CRADD: variants seen among roughly 807,000 people sequenced by gnomAD.
CRADD encodes death domain-containing protein CRADD.
In CRADD, 9 loss-of-function variants were observed where a neutral mutation model predicts 15.5. The observed-to-expected ratio is 0.58, with a 90% CI of 0.35 to 1.01. The LOEUF (loss-of-function observed/expected upper bound fraction) is 1.01, where lower values mean the gene tolerates loss of function less well. CRADD is among the 50% of genes least tolerant of loss of function. CRADD has a pLI of 0.02. For synonymous variants in CRADD, 118 were observed against 107.6 expected, an observed-to-expected ratio of 1.10 and a Z score of -0.60; for missense variants, 227 against 250.3, an observed-to-expected ratio of 0.91 and a Z score of 0.63.
chr12:93,812,804 T>A (rs12299049), intron 2 of CRADD, among the ~76,000 whole-genome samples: 1,637 of 152,370 alleles, frequency 0.011, 22 homozygotes, highest in African/African-American at 0.035. Flanking sequence ...TTTCTCACCA[T>A]GATTTACAAC....
rs570317698 is a variant in CRADD, at chr12:93,884,494, C to G, written c.299-9556C>G. Reference sequence around the variant, plus strand: ...CCTACTATTTCCCGACTGATTCTTTCTGAATAACGCCCACCTGCACACAGG... The same window carrying G: ...CCTACTATTTCCCGACTGATTCTTTGTGAATAACGCCCACCTGCACACAGG... On this transcript the variant is annotated intron_variant, in intron 2 of 2. Coordinates refer to the CRADD transcript ENST00000548483. Among the ~76,000 whole-genome samples the G allele has an allele frequency of 4.6e-5, 7 of 152,272 alleles. No individual in the cohort carries two copies. The South Asian group carries it at 1.5e-3, about 32-fold the overall frequency.
chr12:93,837,674 A>G (rs1957990173), intron 2 of CRADD: 1 of 152,246 alleles, frequency 6.6e-6, no homozygotes. Flanking sequence ...TGATACAACA[A>G]TAAATGGTTT....
chr12:93,890,043 T>G (rs1463215656), intron 2 of CRADD, among the ~76,000 whole-genome samples: 1 of 152,230 alleles, frequency 6.6e-6, no homozygotes, highest in African/African-American at 2.4e-5. Context: ...CGAGCCTTCT[T>G]GCAACACTTT....
Position 93,850,068 on chromosome 12 carries a change from C to T in CRADD, c.397C>T (p.Pro133Ser). 6.2e-7 allele frequency: 1 copy of T among 1,612,228 alleles called. No homozygotes were observed. Among genetic ancestry groups the T allele is most frequent in the Non-Finnish European group, 8.5e-7 (1 of 1,178,258 alleles). ...LAQRLGPEWE[P>S]MVLSLGLSQT... The stretch of plus-strand genomic sequence containing the variant: ...CCAGAGGCTGGGCCCTGAGTGGGAG[C>T]CCATGGTGCTGTCTCTGGGACTGTC... Residue 133 changes from proline to serine, a missense_variant, in exon 3 of 3, where the codon CCC becomes TCC. Transcript: ENST00000332896. This position sits in a 1 kb window ranked among gnomAD's most constrained non-coding sequence, Gnocchi z 4.0.
At chr12:93,723,410 C>T (rs1455910674) in intron 2 of CRADD, among the ~76,000 whole-genome samples, 1 of 152,182 alleles carries the variant, frequency 6.6e-6, no homozygotes, top group Non-Finnish European at 1.5e-5. Context: ...GCCACCCAGA[C>T]TGGTAAACTG....
chr12:93,693,350 TCACTTCCTTTTTAAGAA>T (rs754189224), intron 2 of CRADD, among the ~76,000 whole-genome samples: 13 of 152,232 alleles, frequency 8.5e-5, no homozygotes, highest in Non-Finnish European at 1.6e-4. Flanking sequence ...CACAAAAGAT[TCACTTCCTTTTTAAGAA>T]CACATATAGA....
chr12:93,826,192 A>C (rs1365267752), intron 2 of CRADD, among the ~76,000 whole-genome samples: 1 of 152,260 alleles, frequency 6.6e-6, no homozygotes, highest in African/African-American at 2.4e-5. Flanking sequence ...CTGAGAGAGC[A>C]GCCAATTTTG....
chr12:93,887,484 T>C (rs1958546282), intron 2 of CRADD, among the ~76,000 whole-genome samples: 1 of 152,218 alleles, frequency 6.6e-6, no homozygotes, highest in Non-Finnish European at 1.5e-5. Context: ...TTCTTAAATA[T>C]GTCGAAGGAG....
At chr12:93,886,430 G>A (rs889077556) in intron 2 of CRADD, among the ~76,000 whole-genome samples, 2 of 152,064 alleles carry the variant, frequency 1.3e-5, no homozygotes, top group Non-Finnish European at 2.9e-5. Flanking sequence ...TAAAGTGCTG[G>A]GATTACGGGT....
chr12:93,724,097 C>T (rs892752171), intron 2 of CRADD, among the ~76,000 whole-genome samples: 18 of 152,010 alleles, frequency 1.2e-4, no homozygotes, highest in African/African-American at 3.1e-4. Context: ...TGCTCCAGGC[C>T]GGGTGCAGTG....
rs1958564816 is a variant in CRADD, at chr12:93,889,905, GACA to G, written c.299-4142_299-4140del. Among the ~76,000 whole-genome samples, 3 of 152,184 alleles carry G rather than the reference GACA, an allele frequency of 2.0e-5. No individual in the cohort carries two copies. In the South Asian group the frequency reaches 6.2e-4, roughly 32 times the overall value. ...GAGCAGTGAGATTATTTTTCTAAAAGACAACTTGAAGGGAACTCCAGTATGTAA... is the reference window on the plus strand; with the variant it reads ...GAGCAGTGAGATTATTTTTCTAAAAGACTTGAAGGGAACTCCAGTATGTAA... On this transcript the variant is annotated intron_variant, in intron 2 of 2. Coordinates refer to the CRADD transcript ENST00000548483.
chr12:93,757,678 A>G (rs921210565), intron 2 of CRADD, among the ~76,000 whole-genome samples: 1 of 152,226 alleles, frequency 6.6e-6, no homozygotes, highest in Non-Finnish European at 1.5e-5. Flanking sequence ...CCTGGTTCTC[A>G]TTAGAGCTTA....
chr12:93,743,957 G>T (rs1229374622), intron 2 of CRADD, among the ~76,000 whole-genome samples: 4 of 151,824 alleles, frequency 2.6e-5, no homozygotes, highest in African/African-American at 9.7e-5. Context: ...TTGTGCTTTA[G>T]CTGAAATCAC....
intron 2 of CRADD, among the ~76,000 whole-genome samples, chr12:93,689,104 G>GT (rs1955505567): frequency 1.3e-5 from 2 of 152,112 alleles, no homozygotes; most frequent in South Asian, 2.1e-4. Flanking sequence ...TACTTTGAGA[G>GT]TAAAAAAAAG....
chr12:93,873,401 C>A lies in CRADD; in HGVS notation c.299-20649C>A, dbSNP rs150329574. On this transcript the variant is annotated intron_variant, in intron 2 of 2. Coordinates refer to the CRADD transcript ENST00000548483. ...TTTCCAGTTTGGATGACCTTTATAT[C>A]TTCCTCTTGTCTTATTGCTGTAGCT... Among the ~76,000 whole-genome samples, 479 of 152,180 alleles carry A rather than the reference C, an allele frequency of 3.1e-3. 1 individual carries two copies. The highest frequency in any genetic ancestry group is 0.011 in the African/African-American group (457 of 41,546).
intron 2 of CRADD, among the ~76,000 whole-genome samples, chr12:93,730,954 C>T (rs988803115): frequency 3.9e-5 from 6 of 152,092 alleles, no homozygotes; most frequent in Non-Finnish European, 8.8e-5. Context: ...GACCTCTCAA[C>T]TGATCTGCCT....
intron 2 of CRADD, among the ~76,000 whole-genome samples, chr12:93,767,884 C>T (rs1957042390): frequency 6.6e-6 from 1 of 152,224 alleles, no homozygotes; most frequent in Admixed American, 6.5e-5. Flanking sequence ...AAATTCAATT[C>T]AACACCACCA....
intron 2 of CRADD, among the ~76,000 whole-genome samples, chr12:93,887,348 C>T (rs920166919): frequency 5.9e-5 from 9 of 152,158 alleles, no homozygotes; most frequent in Non-Finnish European, 8.8e-5. Flanking sequence ...ATATTGCCGT[C>T]GGCAGATCTC....
intron 2 of CRADD, among the ~76,000 whole-genome samples, chr12:93,891,539 T>C (rs111341321): frequency 1.3e-3 from 192 of 152,314 alleles, no homozygotes; most frequent in Middle Eastern, 3.4e-3. Context: ...ATTCTTTTTG[T>C]TTACTCTGGG....
Sources: gnomAD v4.1 joint callset for allele counts (sites outside exome capture counted in the v4.1 genomes callset) on GRCh38, gnomAD v4.1.1 for gene constraint, Gnocchi (gnomAD v3.1) non-coding constraint, MANE v1.5 for transcripts, NCBI Gene and HGNC (gene_info 2026-07-23, HGNC 2026-07-21) for gene names.